SDK1: variants seen among roughly 807,000 people sequenced by gnomAD.
SDK1 encodes the protein sidekick cell adhesion molecule 1.
SDK1 carries 157 observed loss-of-function variants against 245.5 expected under a neutral mutation model. That is an observed-to-expected ratio of 0.64 (90% CI 0.56 to 0.73). The LOEUF is 0.73. Among genes scored for constraint, SDK1 ranks in the 30% least tolerant of loss-of-function variants. The probability of loss-of-function intolerance (pLI) is 0.00; values close to 1 mark genes in which losing one functional copy is unlikely to be tolerated. For missense variants in SDK1, 3,583 were observed against 3,002.3 expected, an observed-to-expected ratio of 1.19 and a Z score of -4.52; for synonymous variants, 1,647 against 1,278.5, an observed-to-expected ratio of 1.29 and a Z score of -6.15.
At chr7:3,774,108 G>T (rs1005003950) in intron 4 of SDK1, among the ~76,000 whole-genome samples, 1 of 151,902 alleles carries the variant, frequency 6.6e-6, no homozygotes, top group African/African-American at 2.4e-5. Flanking sequence ...CTAGTTACTT[G>T]GGAGGCTGAG....
At chr7:4,012,938 G>T (rs1455222248) in intron 16 of SDK1, among the ~76,000 whole-genome samples, 3 of 152,178 alleles carry the variant, frequency 2.0e-5, no homozygotes, top group Non-Finnish European at 4.4e-5. Context: ...GTTCAATACA[G>T]TAATTTTAAA....
At position 3,688,526 on chromosome 7, in the gene SDK1, G is replaced by A. The variant is rs1257527770; in HGVS notation, c.713+46421G>A. Among the ~76,000 whole-genome samples, 5 of 152,216 alleles carry A rather than the reference G, an allele frequency of 3.3e-5. No individual in the cohort carries two copies. In the South Asian group the frequency reaches 8.3e-4, roughly 25 times the overall value. On this transcript the variant is annotated intron_variant, in intron 4 of 44. Coordinates refer to ENST00000404826, the MANE Select transcript of SDK1 (RefSeq NM_152744.4). Reference sequence around the variant, plus strand: ...CTCTACAAATGCCAGCTTTGCTGCCGTTGTTAGTATTATAATTAGAAGCAG... The same window carrying A: ...CTCTACAAATGCCAGCTTTGCTGCCATTGTTAGTATTATAATTAGAAGCAG...
At chr7:3,742,832 G>T (rs997298282) in intron 4 of SDK1, among the ~76,000 whole-genome samples, 1 of 152,144 alleles carries the variant, frequency 6.6e-6, no homozygotes, top group Non-Finnish European at 1.5e-5. Context: ...TTGGATAGAG[G>T]TCGAATGGAT....
At chr7:3,839,297 C>T (rs567613510) in intron 5 of SDK1, among the ~76,000 whole-genome samples, 8 of 152,104 alleles carry the variant, frequency 5.3e-5, no homozygotes, top group Non-Finnish European at 1.0e-4. Flanking sequence ...ACATTAGGGT[C>T]GGTATTGAGA....
At position 4,220,100 on chromosome 7, in the gene SDK1, C is replaced by A; in HGVS notation, c.5540-9C>A. On this transcript the variant is annotated splice_polypyrimidine_tract_variant and intron_variant, in intron 38 of 44. Transcript: ENST00000404826. ...ACCCCCTTGTTTCCTTTGCTTCTGG[C>A]GGCTGCAGGGGTGAGCAAGGTGGTG... 6.2e-7 allele frequency: 1 copy of A among 1,610,730 alleles called. No homozygotes were observed. The highest frequency in any genetic ancestry group is 8.5e-7 in the Non-Finnish European group (1 of 1,177,698).
chr7:3,688,344 A>G (rs1784350502), intron 4 of SDK1, among the ~76,000 whole-genome samples: 3 of 152,236 alleles, frequency 2.0e-5, no homozygotes, highest in Non-Finnish European at 4.4e-5. Flanking sequence ...TTTCGGCTCT[A>G]CCAGTTTCTG....
chr7:3,569,313 G>A (rs536754208), intron 1 of SDK1, among the ~76,000 whole-genome samples: 18 of 152,290 alleles, frequency 1.2e-4, no homozygotes, highest in African/African-American at 3.1e-4. Context: ...TGCCAGGACC[G>A]TGCATGATTT....
chr7:3,317,235 A>G (rs994639495), intron 1 of SDK1, among the ~76,000 whole-genome samples: 2 of 150,366 alleles, frequency 1.3e-5, no homozygotes, highest in African/African-American at 4.9e-5. Flanking sequence ...CTTAATAAAC[A>G]TTGCTAGCAA....
chr7:3,601,169 T>C (rs992667894), intron 1 of SDK1, among the ~76,000 whole-genome samples: 9 of 152,194 alleles, frequency 5.9e-5, no homozygotes, highest in Non-Finnish European at 1.2e-4. Flanking sequence ...TGAGAGATAC[T>C]GGTCTATAGT....
intron 1 of SDK1, among the ~76,000 whole-genome samples, chr7:3,581,170 A>C (rs1208261152): frequency 6.6e-6 from 1 of 152,152 alleles, no homozygotes; most frequent in Admixed American, 6.6e-5. Flanking sequence ...CAGAGTATGC[A>C]GACAATCTGT....
Position 4,034,969 on chromosome 7 carries a change from A to C in SDK1, c.2603-14379A>C, listed in dbSNP as rs142536963. 2.8e-3 allele frequency among the ~76,000 whole-genome samples: 424 copies of C among 152,322 alleles called. 7 individuals are homozygous for C. The highest frequency in any genetic ancestry group is 9.9e-3 in the African/African-American group (410 of 41,588). On this transcript the variant is annotated intron_variant, in intron 17 of 44. Coordinates refer to ENST00000404826, the MANE Select transcript of SDK1 (RefSeq NM_152744.4). ...GAAAGCATGTAAATATATTTTATCT[A>C]TTCATAGCACTAAATTAATTTTTTT...
chr7:3,930,385 G>T (rs2128117110), intron 5 of SDK1, among the ~76,000 whole-genome samples: 1 of 152,340 alleles, frequency 6.6e-6, no homozygotes, highest in Non-Finnish European at 1.5e-5. Flanking sequence ...TGCCGAGGCA[G>T]AATCTGCACT....
At chr7:3,918,526 A>G (rs1779467536) in intron 5 of SDK1, among the ~76,000 whole-genome samples, 1 of 152,212 alleles carries the variant, frequency 6.6e-6, no homozygotes, top group African/African-American at 2.4e-5. Context: ...CAGGAAAACA[A>G]GCTCAAGGCT....
At chr7:4,236,915 T>G (rs2128236914) in intron 41 of SDK1, among the ~76,000 whole-genome samples, 1 of 152,254 alleles carries the variant, frequency 6.6e-6, no homozygotes, top group South Asian at 2.1e-4. Context: ...GCTGCCTTGC[T>G]TGTTTTGTGG....
chr7:3,838,626 A>G (rs1780081444), intron 5 of SDK1, among the ~76,000 whole-genome samples: 1 of 152,146 alleles, frequency 6.6e-6, no homozygotes, highest in Admixed American at 6.5e-5. Context: ...AGGGTTCCAC[A>G]TAAACACTGA....
chr7:3,368,391 G>T (rs1416620514), intron 1 of SDK1, among the ~76,000 whole-genome samples: 2 of 152,168 alleles, frequency 1.3e-5, no homozygotes, highest in Non-Finnish European at 2.9e-5. Flanking sequence ...ACTTTTGTGG[G>T]AAACATTTTT....
chr7:3,613,480 T>C (rs775175756), intron 1 of SDK1, among the ~76,000 whole-genome samples: 4 of 152,224 alleles, frequency 2.6e-5, no homozygotes, highest in Non-Finnish European at 5.9e-5. Context: ...TTTTGGCTTT[T>C]GAGTTACAGG....
intron 5 of SDK1, among the ~76,000 whole-genome samples, chr7:3,885,362 T>C (rs1781312747): frequency 6.6e-6 from 1 of 152,202 alleles, no homozygotes; most frequent in South Asian, 2.1e-4. Flanking sequence ...CTGTGGGGGC[T>C]GAAGCCACCT....
At chr7:4,002,080 T>C (rs575104516) in intron 14 of SDK1, among the ~76,000 whole-genome samples, 1 of 152,264 alleles carries the variant, frequency 6.6e-6, no homozygotes, top group Non-Finnish European at 1.5e-5. Flanking sequence ...TATGTTCCTT[T>C]TGTCACTGTC....
Sources: gnomAD v4.1 joint callset for allele counts (sites outside exome capture counted in the v4.1 genomes callset) on GRCh38, gnomAD v4.1.1 for gene constraint, MANE v1.5 for transcripts, NCBI Gene and HGNC (gene_info 2026-07-23, HGNC 2026-07-21) for gene names.